Variants in ZSCAN18 observed in about 807,000 individuals in gnomAD.
ZSCAN18 encodes zinc finger and SCAN domain-containing protein 18.
Under a neutral mutation model 31.1 loss-of-function variants are expected in ZSCAN18, and 16 were observed. The observed-to-expected ratio is 0.51, with a 90% CI of 0.35 to 0.78. The LOEUF (loss-of-function observed/expected upper bound fraction) is 0.78. ZSCAN18 is among the 30% of genes least tolerant of loss of function. ZSCAN18 has a pLI of 0.01. For missense variants in ZSCAN18, 731 were observed against 697.4 expected, an observed-to-expected ratio of 1.05 and a Z score of -0.54; for synonymous variants, 375 against 320.7, an observed-to-expected ratio of 1.17 and a Z score of -1.81.
At chr19:58,085,414 C>T (rs572443135) in intron 6 of ZSCAN18, 35 bp from the exon 7 acceptor site, 4 of 1,517,316 alleles carry the variant, frequency 2.6e-6, no homozygotes, top group East Asian at 2.4e-5. Context: ...GTGAGCGCCC[C>T]GCCCAGGGCC....
intron 2 of ZSCAN18, among the ~76,000 whole-genome samples, chr19:58,089,286 G>C (rs555075008): frequency 2.8e-5 from 3 of 105,878 alleles, no homozygotes; most frequent in East Asian, 6.3e-4. Context: ...CTGGGCGACA[G>C]AGCGAGACTC....
At chr19:58,118,393 G>T in exon 1 of ZSCAN18, 1 of 1,522,310 alleles carries the variant, frequency 6.6e-7, no homozygotes, top group East Asian at 2.7e-5. Context: ...CCGACTCTCC[G>T]CATGGGCGCG....
chr19:58,105,481 G>A (rs2074627734), intron 1 of ZSCAN18, among the ~76,000 whole-genome samples: 1 of 152,104 alleles, frequency 6.6e-6, no homozygotes. Flanking sequence ...CTAACACAGT[G>A]AAACCCAGTC....
chr19:58,116,577 T>TG (rs2074731741), intron 1 of ZSCAN18, among the ~76,000 whole-genome samples: 1 of 152,138 alleles, frequency 6.6e-6, no homozygotes, highest in Non-Finnish European at 1.5e-5. Context: ...CTCTATCCAC[T>TG]GCCCACAACT....
chr19:58,113,434 G>T (rs2074704426), intron 1 of ZSCAN18, among the ~76,000 whole-genome samples: 1 of 152,150 alleles, frequency 6.6e-6, no homozygotes, highest in Admixed American at 6.5e-5. Flanking sequence ...CGGGGTGACT[G>T]CACTTGTAAA....
intron 4 of ZSCAN18, 88 bp from the exon 5 acceptor site, chr19:58,087,096 G>T: frequency 8.2e-7 from 1 of 1,224,532 alleles, no homozygotes; most frequent in Non-Finnish European, 1.2e-6. Context: ...AGCAGGCTAG[G>T]AGCCAGCCCT....
chr19:58,117,136 G>A (rs112451420), intron 1 of ZSCAN18, among the ~76,000 whole-genome samples: 3,925 of 152,280 alleles, frequency 0.026, 162 homozygotes, highest in African/African-American at 0.087. Context: ...TATCTTAAAG[G>A]TTAAGCCATG....
intron 1 of ZSCAN18, among the ~76,000 whole-genome samples, chr19:58,111,647 G>A (rs2074684333): frequency 6.6e-6 from 1 of 151,958 alleles, no homozygotes; most frequent in Non-Finnish European, 1.5e-5. Context: ...TTACTGGCAT[G>A]AGCCACTATG....
intron 1 of ZSCAN18, among the ~76,000 whole-genome samples, chr19:58,095,560 C>T (rs1028188858): frequency 1.4e-4 from 21 of 152,204 alleles, no homozygotes; most frequent in African/African-American, 4.6e-4. Flanking sequence ...AGCCAGCTCC[C>T]CCAGCCCCTC....
chr19:58,118,368 T>C (rs777612284), exon 1 of ZSCAN18: 68 of 1,533,362 alleles, frequency 4.4e-5, no homozygotes, highest in Non-Finnish European at 5.5e-5. Context: ...CGTAGCGTCC[T>C]CGTCAGCTCG....
At chr19:58,100,365 G>A (rs2074583445), upstream of ZSCAN18, among the ~76,000 whole-genome samples, 1 of 152,120 alleles carries the variant, frequency 6.6e-6, no homozygotes. Context: ...TACCGTCTGG[G>A]TGAGCCATCC....
At chr19:58,098,464 C>T, upstream of ZSCAN18, 33 of 768,296 alleles carry the variant, frequency 4.3e-5, no homozygotes, top group Non-Finnish European at 5.2e-5. Flanking sequence ...CCCCTGACAG[C>T]CAGAGACCCG....
In ZSCAN18 at chr19:58,090,329, G is replaced by A; in HGVS notation, c.-62C>T. Reference sequence around the variant, plus strand: ...CCAGGGACAAGGTGGCTCCAAAGGAGAGGTGCCAGGGATGACCAGATGCCC... The same window carrying A: ...CCAGGGACAAGGTGGCTCCAAAGGAAAGGTGCCAGGGATGACCAGATGCCC... On this transcript the variant is annotated 5_prime_UTR_variant, in exon 2 of 7. Coordinates refer to ENST00000601144, the MANE Select transcript of ZSCAN18 (RefSeq NM_001145543.2). This position sits in a 1 kb window ranked among gnomAD's most constrained non-coding sequence, Gnocchi z 4.7. The A allele has an allele frequency of 6.2e-7, 1 of 1,611,368 alleles. No homozygotes were observed. The highest frequency in any genetic ancestry group is 2.2e-5 in the East Asian group (1 of 44,840).
chr19:58,098,253 C>G (rs973294861), upstream of ZSCAN18: 40 of 985,398 alleles, frequency 4.1e-5, no homozygotes, highest in African/African-American at 7.0e-4. Flanking sequence ...TGCGCCTGCG[C>G]ACTGGGCCTC....
chr19:58,116,277 T>G (rs1032009158), intron 1 of ZSCAN18, among the ~76,000 whole-genome samples: 1 of 149,140 alleles, frequency 6.7e-6, no homozygotes, highest in Non-Finnish European at 1.5e-5. Context: ...TCTGTGATCT[T>G]AAGTCTGTGG....
rs2074220839 is a variant in ZSCAN18 at position 58,084,607 on chromosome 19, G to A, written c.*78C>T. 1.5e-6 allele frequency: 2 copies of A among 1,332,302 alleles called. No homozygotes were observed. The highest frequency in any genetic ancestry group is 2.7e-5 in the East Asian group (1 of 37,284). 82.5% of individuals were successfully genotyped at this position (1,332,302 alleles called of 1,614,324 possible). ...ACACCACAGGAAGCCGCCACCCAGGGGCGTGGAAAGGCCCAATGCCTCGTC... is the reference window on the plus strand; with the variant it reads ...ACACCACAGGAAGCCGCCACCCAGGAGCGTGGAAAGGCCCAATGCCTCGTC... On this transcript the variant is annotated 3_prime_UTR_variant, in exon 7 of 7. Coordinates refer to ENST00000601144, the MANE Select transcript of ZSCAN18 (RefSeq NM_001145543.2). The surrounding 1 kb of genome is among the most constrained non-coding windows in gnomAD (Gnocchi z 4.5).
chr19:58,087,102 G>T, intron 4 of ZSCAN18, 94 bp from the exon 5 acceptor site: 2 of 1,167,390 alleles, frequency 1.7e-6, no homozygotes, highest in Non-Finnish European at 2.4e-6. Context: ...CTAGGAGCCA[G>T]CCCTGGCCAG....
At position 58,090,543 on chromosome 19, in the gene ZSCAN18, G is replaced by C. The variant is rs1037946893; in HGVS notation, c.-119-157C>G. 1 of 601,774 alleles carries C rather than the reference G, an allele frequency of 1.7e-6. No individual in the cohort carries two copies. The highest frequency in any genetic ancestry group is 1.9e-5 in the African/African-American group (1 of 53,850). The allele number at this position is 601,774 out of a possible 1,614,324, so 37.3% of individuals were successfully genotyped here. ...AGAACCTCAGTGTTGTACTCATGTA[G>C]ATAAAAAGTAGCATGTAAATGGAGG... On this transcript the variant is annotated intron_variant, in intron 1 of 6. Coordinates refer to ENST00000601144, the MANE Select transcript of ZSCAN18 (RefSeq NM_001145543.2). This position sits in a 1 kb window ranked among gnomAD's most constrained non-coding sequence, Gnocchi z 4.7.
chr19:58,086,119 T>G, intron 6 of ZSCAN18, 55 bp downstream of exon 6: 1 of 1,555,054 alleles, frequency 6.4e-7, no homozygotes, highest in Non-Finnish European at 8.9e-7. Context: ...CCCCTCAGCC[T>G]CTGAAGAAAA....
Sources: allele counts gnomAD v4.1 joint callset (sites outside exome capture counted in the v4.1 genomes callset), GRCh38; gene constraint gnomAD v4.1.1; non-coding constraint Gnocchi (gnomAD v3.1); transcripts MANE v1.5; gene names NCBI Gene and HGNC (gene_info 2026-07-23, HGNC 2026-07-21).